MAN1C1: variants seen among roughly 807,000 people sequenced by gnomAD.
The protein encoded by MAN1C1 is mannosyl-oligosaccharide 1,2-alpha-mannosidase IC.
A neutral mutation model predicts 71.5 loss-of-function variants in MAN1C1; 49 were observed. The observed-to-expected ratio is 0.69, with a 90% confidence interval of 0.54 to 0.87. The LOEUF is 0.87. Ranked by LOEUF, MAN1C1 falls within the 40% of genes least tolerant of loss-of-function variation. MAN1C1 has a pLI of 0.00. For synonymous variants in MAN1C1, 352 were observed against 343.7 expected, an observed-to-expected ratio of 1.02 and a Z score of -0.27; for missense variants, 743 against 835.0, an observed-to-expected ratio of 0.89 and a Z score of 1.36.
intron 7 of MAN1C1, 96 bp from the exon 8 acceptor site, chr1:25,771,561 C>A: frequency 2.3e-6 from 2 of 871,282 alleles, no homozygotes; most frequent in Non-Finnish European, 3.8e-6. Context: ...CCCGTACAGG[C>A]ACCGGGCCCC....
intron 1 of MAN1C1, among the ~76,000 whole-genome samples, chr1:25,635,142 G>A (rs2124756122): frequency 6.6e-6 from 1 of 152,236 alleles, no homozygotes. Flanking sequence ...GAGGACTACA[G>A]ATGTGTGCTA....
At chr1:25,618,574 G>A (rs1420000189) in intron 1 of MAN1C1, among the ~76,000 whole-genome samples, 2 of 151,942 alleles carry the variant, frequency 1.3e-5, no homozygotes, top group African/African-American at 4.8e-5. Flanking sequence ...ACAGATGGCA[G>A]CTGAACCCCT....
intron 4 of MAN1C1, among the ~76,000 whole-genome samples, chr1:25,750,648 C>T (rs1363971286): frequency 3.3e-5 from 5 of 152,222 alleles, no homozygotes; most frequent in South Asian, 2.1e-4. Flanking sequence ...CTCTCTCCAT[C>T]GAGCATAATC....
At chr1:25,721,714 G>A (rs971242602) in intron 2 of MAN1C1, among the ~76,000 whole-genome samples, 1 of 152,214 alleles carries the variant, frequency 6.6e-6, no homozygotes, top group Non-Finnish European at 1.5e-5. Context: ...TCTGCAAACA[G>A]ATCGTTTTAC....
At position 25,753,469 on chromosome 1, in the gene MAN1C1, T is replaced by G. The variant is rs748525612; in HGVS notation, c.835-15T>G. On this transcript the variant is annotated splice_polypyrimidine_tract_variant and intron_variant, in intron 4 of 11. Transcript: ENST00000374332. This position sits in a 1 kb window ranked among gnomAD's most constrained non-coding sequence, Gnocchi z 4.9. ...CAGCCTGGAGTCAAAAGCCCTTTGA[T>G]CCCCTCCTTTACAGGTGTTCCGAAT... The G allele has an allele frequency of 6.6e-5, 106 of 1,603,996 alleles. No individual in the cohort carries two copies. The highest frequency in any genetic ancestry group is 9.0e-5 in the East Asian group (4 of 44,582).
intron 5 of MAN1C1, among the ~76,000 whole-genome samples, chr1:25,756,060 C>T (rs2047282250): frequency 6.6e-6 from 1 of 152,178 alleles, no homozygotes; most frequent in East Asian, 1.9e-4. Context: ...TATCTACCTC[C>T]GAAGTTGGTT....
At chr1:25,774,415 A>G (rs1250335228) in intron 8 of MAN1C1, among the ~76,000 whole-genome samples, 11 of 152,280 alleles carry the variant, frequency 7.2e-5, no homozygotes, top group East Asian at 5.8e-4. Context: ...TATAGCAACA[A>G]GTGTCAGAGC....
At chr1:25,675,589 G>GA (rs774885031) in intron 1 of MAN1C1, among the ~76,000 whole-genome samples, 2 of 144,430 alleles carry the variant, frequency 1.4e-5, no homozygotes, top group East Asian at 4.2e-4. Flanking sequence ...TTTTGCGGGG[G>GA]GGGGGGGAGG....
intron 1 of MAN1C1, among the ~76,000 whole-genome samples, chr1:25,635,416 T>G (rs2045442377): frequency 1.3e-5 from 2 of 151,700 alleles, no homozygotes; most frequent in Non-Finnish European, 2.9e-5. Context: ...TTCCTAAGAT[T>G]CTCATTCTTT....
chr1:25,761,031 A>G (rs1315365284), intron 6 of MAN1C1: 2 of 152,188 alleles, frequency 1.3e-5, no homozygotes, highest in African/African-American at 2.4e-5. Context: ...GTCAGAATTC[A>G]TTCACGTCCT....
intron 1 of MAN1C1, among the ~76,000 whole-genome samples, chr1:25,677,846 CTTTTTTTTTTTTTT>C (rs772618301): frequency 2.0e-5 from 2 of 98,308 alleles, no homozygotes; most frequent in African/African-American, 5.3e-5. Context: ...TAAAGACCTC[CTTTTTTTTTTTTTT>C]TTTTTTTTTT....
In MAN1C1 at chr1:25,692,367, T is replaced by A. The variant is rs115858099; in HGVS notation, c.637+5831T>A. On this transcript the variant is annotated intron_variant, in intron 2 of 11. Coordinates refer to ENST00000374332, the MANE Select transcript of MAN1C1 (RefSeq NM_020379.4). ...CATACATTATGCCAGGCACCATAGC[T>A]GTATTCACTCTCTTTCTAAAATATA... Among the ~76,000 whole-genome samples, 1,484 of 152,338 alleles carry A rather than the reference T, an allele frequency of 9.7e-3. 27 individuals carry two copies. The highest frequency in any genetic ancestry group is 0.032 in the African/African-American group (1,319 of 41,564).
At position 25,761,620 on chromosome 1, in the gene MAN1C1, C is replaced by CTTTTTTTTTTTT. The variant is rs71014385; in HGVS notation, c.1048-2244_1048-2233dup. 2.7e-4 allele frequency: 26 copies of CTTTTTTTTTTTT among 95,820 alleles called. 1 individual carries two copies. Among genetic ancestry groups the CTTTTTTTTTTTT allele is most frequent in the African/African-American group, 5.6e-4 (13 of 23,050 alleles). 5.9% of individuals were successfully genotyped at this position (95,820 alleles called of 1,614,324 possible). ...ACCATTCTACTCTCTACCTCTACTT[C>CTTTTTTTTTTTT]TTTTTTTTTTTTTTTTTTTTTGAGA... is the stretch of plus-strand genomic sequence containing the variant. On this transcript the variant is annotated intron_variant, in intron 6 of 11. Transcript: ENST00000374332.
intron 1 of MAN1C1, among the ~76,000 whole-genome samples, chr1:25,623,205 G>A (rs565139719): frequency 6.6e-6 from 1 of 152,108 alleles, no homozygotes; most frequent in Admixed American, 6.5e-5. Flanking sequence ...TCCTCCTTCC[G>A]TAGGACCAAG....
chr1:25,721,027 A>G (rs1191068423), intron 2 of MAN1C1, among the ~76,000 whole-genome samples: 3 of 152,208 alleles, frequency 2.0e-5, no homozygotes, highest in Admixed American at 2.0e-4. Context: ...ATCTATGTCT[A>G]TTTTTATGCC....
At chr1:25,741,166 G>A (rs2047058866) in intron 2 of MAN1C1, among the ~76,000 whole-genome samples, 1 of 152,014 alleles carries the variant, frequency 6.6e-6, no homozygotes, top group East Asian at 1.9e-4. Context: ...ACTTTTAGTA[G>A]AGACAGGGTT....
In MAN1C1 at chr1:25,769,401, A is replaced by ACG. The variant is rs2047515640; in HGVS notation, c.1142-2255_1142-2254insGC. Among the ~76,000 whole-genome samples the ACG allele has an allele frequency of 2.0e-5, 3 of 151,862 alleles. No individual in the cohort carries two copies. Among genetic ancestry groups the ACG allele is most frequent in the Admixed American group, 6.6e-5 (1 of 15,258 alleles). On this transcript the variant is annotated intron_variant, in intron 7 of 11. Transcript: ENST00000374332. This position sits in a 1 kb window ranked among gnomAD's most constrained non-coding sequence, Gnocchi z 4.8. ...ACCCCATACATACATACACACACAC[A>ACG]CACACACAAGCTGTAAAGCAGTGGG...
rs76836610 is a variant in MAN1C1 at position 25,652,489 on chromosome 1, C to T, written c.541-33951C>T. On this transcript the variant is annotated intron_variant, in intron 1 of 11. Transcript: ENST00000374332. ...CCACAGGCTGGAGGCCCCCAGCACC[C>T]GCTCAGGCATGGGGCCGAGTTGCTG... Among the ~76,000 whole-genome samples the T allele has an allele frequency of 8.5e-3, 1,299 of 152,324 alleles. 25 individuals are homozygous for T. The highest frequency in any genetic ancestry group is 0.028 in the African/African-American group (1,165 of 41,586).
chr1:25,737,910 A>ACTT (rs2124316926), intron 2 of MAN1C1, among the ~76,000 whole-genome samples: 1 of 152,298 alleles, frequency 6.6e-6, no homozygotes, highest in East Asian at 1.9e-4. Flanking sequence ...GATGTGGGTC[A>ACTT]AGCATCACTT....
Sources: allele counts gnomAD v4.1 joint callset (sites outside exome capture counted in the v4.1 genomes callset), GRCh38; gene constraint gnomAD v4.1.1; non-coding constraint Gnocchi (gnomAD v3.1); transcripts MANE v1.5; gene names NCBI Gene and HGNC (gene_info 2026-07-23, HGNC 2026-07-21).